The following CIROZ variants were observed in gnomAD, a reference collection of about 807,000 sequenced individuals.
CIROZ encodes the protein ciliated left-right organizer protein containing ZP-N domains.
At chr1:10,949,900 C>A in the CIROZ span, 9 of 1,249,492 alleles carry the variant, frequency 7.2e-6, no homozygotes, top group Non-Finnish European at 9.8e-6. Context: ...TGAGTGACCC[C>A]TTTTCCACAG....
the CIROZ span, among the ~76,000 whole-genome samples, chr1:10,980,398 G>C: frequency 6.6e-6 from 1 of 152,354 alleles, no homozygotes; most frequent in Admixed American, 6.5e-5. Context: ...CCGGGTACCC[G>C]CCCTGGGCTC....
At chr1:10,969,980 C>T in the CIROZ span, 1 of 1,535,432 alleles carries the variant, frequency 6.5e-7, no homozygotes, top group Non-Finnish European at 8.7e-7. Flanking sequence ...CTGGCAAGTG[C>T]AAGGTCCTGG....
the CIROZ span, among the ~76,000 whole-genome samples, chr1:10,977,375 C>T: frequency 2.9e-5 from 4 of 139,614 alleles, no homozygotes; most frequent in South Asian, 2.1e-4. Flanking sequence ...CCCAGCTACT[C>T]GGGAGGCTGA....
the CIROZ span, among the ~76,000 whole-genome samples, chr1:10,974,435 A>T: frequency 6.6e-6 from 1 of 152,120 alleles, no homozygotes; most frequent in South Asian, 2.1e-4. This position sits in a 1 kb window ranked among gnomAD's most constrained non-coding sequence, Gnocchi z 4.4. Flanking sequence ...ACAGCTGCAG[A>T]GACCTGCAGA....
chr1:10,971,184 T>A, the CIROZ span, among the ~76,000 whole-genome samples: 1 of 143,902 alleles, frequency 6.9e-6, no homozygotes, highest in East Asian at 2.1e-4. Context: ...AGGGGCAAAC[T>A]GGCTCAGCCA....
At chr1:10,948,836 A>G in the CIROZ span, 15 of 1,494,836 alleles carry the variant, frequency 1.0e-5, no homozygotes, top group Non-Finnish European at 1.3e-5. Context: ...GGAATGGTCC[A>G]AGCCCCTTCT....
the CIROZ span, among the ~76,000 whole-genome samples, chr1:10,969,405 CA>C: frequency 6.6e-6 from 1 of 152,178 alleles, no homozygotes; most frequent in African/African-American, 2.4e-5. Context: ...CTGGAAGTGA[CA>C]CTATGCCCCT....
the CIROZ span, chr1:10,948,584 A>C: frequency 6.2e-7 from 1 of 1,614,130 alleles, no homozygotes; most frequent in South Asian, 1.1e-5. Flanking sequence ...GCGGTGAAGG[A>C]GAGGAGGCAT....
At chr1:10,956,886 G>A in the CIROZ span, 15 of 722,622 alleles carry the variant, frequency 2.1e-5, no homozygotes, top group South Asian at 2.4e-4. Flanking sequence ...TTTCTGAAAC[G>A]CATAGCCAAG....
At chr1:10,973,426 G>A in the CIROZ span, among the ~76,000 whole-genome samples, 3 of 152,222 alleles carry the variant, frequency 2.0e-5, no homozygotes, top group South Asian at 2.1e-4. Context: ...AGCCACGTGG[G>A]TAGTCAGCCA....
the CIROZ span, among the ~76,000 whole-genome samples, chr1:10,977,919 C>T: frequency 6.6e-6 from 1 of 152,104 alleles, no homozygotes; most frequent in South Asian, 2.1e-4. Flanking sequence ...CCTGTAATCC[C>T]AGCACTTTGG....
the CIROZ span, among the ~76,000 whole-genome samples, chr1:10,968,548 C>T: frequency 6.6e-6 from 1 of 152,192 alleles, no homozygotes; most frequent in African/African-American, 2.4e-5. Flanking sequence ...AATAAAGTGT[C>T]TGAGCTGGAT....
chr1:10,953,102 T>C, the CIROZ span, among the ~76,000 whole-genome samples: 4 of 152,232 alleles, frequency 2.6e-5, no homozygotes, highest in African/African-American at 9.6e-5. Context: ...TTTCTTTGTT[T>C]CTAATTCTGA....
chr1:10,964,677 C>A, the CIROZ span, among the ~76,000 whole-genome samples: 1 of 152,248 alleles, frequency 6.6e-6, no homozygotes, highest in Non-Finnish European at 1.5e-5. Context: ...GTCACCCAGG[C>A]TGGAGTGCAA....
At chr1:10,957,836 G>A in the CIROZ span, 11 of 1,471,182 alleles carry the variant, frequency 7.5e-6, no homozygotes, top group African/African-American at 1.4e-5. Context: ...CACTTGAAGG[G>A]TCACCTAGGA....
the CIROZ span, among the ~76,000 whole-genome samples, chr1:10,976,719 A>T: frequency 6.6e-6 from 1 of 151,118 alleles, no homozygotes; most frequent in Non-Finnish European, 1.5e-5. Flanking sequence ...AAAAAAACCC[A>T]TAAGTAAAGA....
chr1:10,963,484 C>T, the CIROZ span, among the ~76,000 whole-genome samples: 6 of 152,154 alleles, frequency 3.9e-5, no homozygotes, highest in African/African-American at 9.7e-5. Flanking sequence ...CCAGCACGCT[C>T]ATTTCTGTGG....
chr1:10,977,695 G>C, the CIROZ span, among the ~76,000 whole-genome samples: 18 of 152,198 alleles, frequency 1.2e-4, no homozygotes, highest in East Asian at 3.3e-3. Context: ...ATTTATTTGC[G>C]TGTCCATAGG....
the CIROZ span, chr1:10,948,128 G>C: frequency 1.2e-6 from 2 of 1,613,578 alleles, no homozygotes; most frequent in Non-Finnish European, 1.7e-6. Context: ...TCACACTTGG[G>C]GTGGAGAATG....
Sources: gnomAD v4.1 joint callset for allele counts (sites outside exome capture counted in the v4.1 genomes callset) on GRCh38, gnomAD v4.1.1 for gene constraint, Gnocchi (gnomAD v3.1) non-coding constraint, MANE v1.5 for transcripts, NCBI Gene and HGNC (gene_info 2026-07-23, HGNC 2026-07-21) for gene names.